The following TRIM24 variants were observed in gnomAD, a reference collection of about 807,000 sequenced individuals.
The protein encoded by TRIM24 is transcription intermediary factor 1-alpha.
TRIM24 carries 29 observed loss-of-function variants against 123.9 expected under a neutral mutation model. That is an observed-to-expected ratio of 0.23 (90% CI 0.17 to 0.32). The LOEUF (loss-of-function observed/expected upper bound fraction) is 0.32. TRIM24 is among the 10% of genes least tolerant of loss of function. The pLI is 1.00. For synonymous variants in TRIM24, 456 were observed against 461.1 expected, an observed-to-expected ratio of 0.99 and a Z score of 0.14; for missense variants, 932 against 1,295.3, an observed-to-expected ratio of 0.72 and a Z score of 4.31.
At chr7:138,492,427 G>A (rs1262856674) in intron 1 of TRIM24, among the ~76,000 whole-genome samples, 1 of 151,874 alleles carries the variant, frequency 6.6e-6, no homozygotes, top group African/African-American at 2.4e-5. Flanking sequence ...CCATTCTGTC[G>A]GTTGTCTTTT....
chr7:138,579,823 T>C (rs2116690025), intron 15 of TRIM24, among the ~76,000 whole-genome samples: 1 of 152,218 alleles, frequency 6.6e-6, no homozygotes, highest in East Asian at 1.9e-4. Flanking sequence ...CTCAGGAGGC[T>C]GAGGTGGGAG....
intron 7 of TRIM24, among the ~76,000 whole-genome samples, chr7:138,548,902 C>G (rs1387887258): frequency 1.3e-5 from 2 of 152,162 alleles, no homozygotes; most frequent in Admixed American, 1.3e-4. Context: ...CACATTTTGT[C>G]TCACTGGAAA....
At chr7:138,462,421 A>T (rs1795014683) in intron 1 of TRIM24, among the ~76,000 whole-genome samples, 1 of 149,972 alleles carries the variant, frequency 6.7e-6, no homozygotes, top group Non-Finnish European at 1.5e-5. Flanking sequence ...GCTCACTGCA[A>T]GCTCCGCCTC....
intron 1 of TRIM24, among the ~76,000 whole-genome samples, chr7:138,494,342 C>T (rs1456175253): frequency 6.6e-6 from 1 of 151,984 alleles, no homozygotes; most frequent in African/African-American, 2.4e-5. Context: ...TGCTCTTGAA[C>T]AGCTGGCCTC....
In TRIM24 at chr7:138,494,353, G is replaced by A. The variant is rs555328959; in HGVS notation, c.365-9937G>A. ...AGGCTGCTCTTGAACAGCTGGCCTC[G>A]AGTGACCCTCCCGCCTTGGCCTCCC... On this transcript the variant is annotated intron_variant, in intron 1 of 18. Coordinates refer to ENST00000343526, the MANE Select transcript of TRIM24 (RefSeq NM_015905.3). Among the ~76,000 whole-genome samples, 4 of 152,072 alleles carry A rather than the reference G, an allele frequency of 2.6e-5. No homozygotes were observed. In the South Asian group the frequency reaches 8.3e-4, roughly 32 times the overall value.
chr7:138,508,713 G>GC (rs1796216719), intron 2 of TRIM24, among the ~76,000 whole-genome samples: 1 of 145,620 alleles, frequency 6.9e-6, no homozygotes, highest in African/African-American at 2.6e-5. Context: ...GTGTGCGTGT[G>GC]TGTGTGCGTG....
At chr7:138,476,899 C>A (rs540747682) in intron 1 of TRIM24, among the ~76,000 whole-genome samples, 175 of 152,108 alleles carry the variant, frequency 1.2e-3, no homozygotes, top group Middle Eastern at 3.4e-3. Flanking sequence ...ATATGACCAC[C>A]AATAAATGAC....
At chr7:138,515,408 T>C in intron 3 of TRIM24, 49 bp downstream of exon 3, 2 of 1,594,630 alleles carry the variant, frequency 1.3e-6, no homozygotes, top group Non-Finnish European at 1.7e-6. Context: ...TTCCCCGTCT[T>C]TTCTTCCTTC....
At chr7:138,522,905 A>T (rs965209698) in intron 4 of TRIM24, among the ~76,000 whole-genome samples, 3 of 152,212 alleles carry the variant, frequency 2.0e-5, no homozygotes, top group Admixed American at 2.0e-4. Context: ...AATGATAGTG[A>T]AAAACATCAG....
chr7:138,573,160 A>G (rs1797690991), intron 11 of TRIM24, among the ~76,000 whole-genome samples: 1 of 152,250 alleles, frequency 6.6e-6, no homozygotes. Flanking sequence ...CAAGAAATGT[A>G]AAATTGTGAT....
At chr7:138,474,970 C>T (rs1334056813) in intron 1 of TRIM24, among the ~76,000 whole-genome samples, 1 of 152,162 alleles carries the variant, frequency 6.6e-6, no homozygotes, top group East Asian at 1.9e-4. Context: ...ACTTGTTATG[C>T]ACCCTAACAA....
rs1291454657 is a variant in TRIM24, at chr7:138,580,438, T to TG, written c.2586-123dup. On this transcript the variant is annotated intron_variant, in intron 15 of 18. Transcript: ENST00000343526. ...CTAGTGGTATGTGGTAAATGCTCAG[T>TG]GATTAAAATTCATGCCAAATGAACA... The TG allele has an allele frequency of 4.1e-6, 5 of 1,220,562 alleles. No homozygotes were observed. In the African/African-American group the frequency reaches 7.5e-5, roughly 18 times the overall value. The allele number at this position is 1,220,562 out of a possible 1,614,324, so 75.6% of individuals were successfully genotyped here.
intron 2 of TRIM24, among the ~76,000 whole-genome samples, chr7:138,508,696 C>CGCGCGCGCGT (rs1563038802): frequency 3.0e-5 from 1 of 33,434 alleles, no homozygotes; most frequent in Non-Finnish European, 7.3e-5. Flanking sequence ...TGTGTGTGCG[C>CGCGCGCGCGT]GCGCGTGTGT....
intron 14 of TRIM24, among the ~76,000 whole-genome samples, chr7:138,578,266 C>G (rs1797807121): frequency 6.6e-6 from 1 of 151,744 alleles, no homozygotes; most frequent in Admixed American, 6.6e-5. Flanking sequence ...CTGCAGTGAA[C>G]AATATTTAAA....
intron 6 of TRIM24, among the ~76,000 whole-genome samples, chr7:138,538,113 C>T (rs1037296896): frequency 5.9e-5 from 9 of 152,216 alleles, no homozygotes; most frequent in East Asian, 1.9e-4. Flanking sequence ...CTGTTGGCTC[C>T]GATGTTAATT....
rs183118414 is a variant in TRIM24 at position 138,537,708 on chromosome 7, T to C, written c.997-949T>C. 5.3e-5 allele frequency among the ~76,000 whole-genome samples: 8 copies of C among 152,288 alleles called. No homozygotes were observed. The East Asian group carries it at 1.5e-3, about 29-fold the overall frequency. On this transcript the variant is annotated intron_variant, in intron 6 of 18. Transcript: ENST00000343526. Reference sequence around the variant, plus strand: ...ACTTAAATTAGATATGGCAGAGCCGTTGGATGTTGTTAGTAGTCCATCAAA... The same window carrying C: ...ACTTAAATTAGATATGGCAGAGCCGCTGGATGTTGTTAGTAGTCCATCAAA...
rs553433206 is a variant in TRIM24, at chr7:138,576,203, C to T, written c.2015-170C>T. Among the ~76,000 whole-genome samples, 3 of 152,298 alleles carry T rather than the reference C, an allele frequency of 2.0e-5. No homozygotes were observed. The South Asian group carries it at 6.2e-4, about 32-fold the overall frequency. ...ATAGTGCAGAGGCTGAAAAACCCTGCCGGTGTAACAGGCTGTAACAGACTG... is the reference window on the plus strand; with the variant it reads ...ATAGTGCAGAGGCTGAAAAACCCTGTCGGTGTAACAGGCTGTAACAGACTG... On this transcript the variant is annotated intron_variant, in intron 12 of 18. Coordinates refer to ENST00000343526, the MANE Select transcript of TRIM24 (RefSeq NM_015905.3).
rs78215922 is a variant in TRIM24 at position 138,472,290 on chromosome 7, T to G, written c.364+11378T>G. Reference sequence around the variant, plus strand: ...GGATCCACGAGAACTACTGAATTTATAAAAAAAAAAAAAGATTTGGTGAGG... The same window carrying G: ...GGATCCACGAGAACTACTGAATTTAGAAAAAAAAAAAAAGATTTGGTGAGG... On this transcript the variant is annotated intron_variant, in intron 1 of 18. Coordinates refer to ENST00000343526, the MANE Select transcript of TRIM24 (RefSeq NM_015905.3). Among the ~76,000 whole-genome samples the G allele has an allele frequency of 3.6e-5, 5 of 137,946 alleles. No homozygotes were observed. The East Asian group carries it at 1.0e-3, about 28-fold the overall frequency. The allele number at this position is 137,946 out of a possible 152,430, so 90.5% of individuals were successfully genotyped here.
At chr7:138,508,799 G>A (rs1796223539) in intron 2 of TRIM24, among the ~76,000 whole-genome samples, 1 of 151,470 alleles carries the variant, frequency 6.6e-6, no homozygotes, top group Non-Finnish European at 1.5e-5. Context: ...TGTTTTTTCT[G>A]TTCTAGACCT....
Sources: allele counts gnomAD v4.1 joint callset (sites outside exome capture counted in the v4.1 genomes callset), GRCh38; gene constraint gnomAD v4.1.1; transcripts MANE v1.5; gene names NCBI Gene and HGNC (gene_info 2026-07-23, HGNC 2026-07-21).